Variants in IL6R observed in about 807,000 individuals in gnomAD.
IL6R encodes the protein interleukin-6 receptor subunit alpha.
Under a neutral mutation model 48.3 loss-of-function variants are expected in IL6R, and 38 were observed. The ratio of observed to expected loss-of-function variants is 0.79; its 90% CI spans 0.61 to 1.03. The LOEUF (loss-of-function observed/expected upper bound fraction) is 1.03, where lower values mean the gene tolerates loss of function less well. Among genes scored for constraint, IL6R ranks in the 50% least tolerant of loss-of-function variants. The pLI, the probability that IL6R is intolerant of heterozygous loss-of-function variation, is 0.00. For missense variants in IL6R, 534 were observed against 618.3 expected (o/e 0.86, Z 1.45); for synonymous variants, 264 against 256.2 (o/e 1.03, Z -0.29).
intron 5 of IL6R, 87 bp downstream of exon 5, chr1:154,435,243 C>T (rs992315657): frequency 1.6e-6 from 2 of 1,280,678 alleles, no homozygotes; most frequent in Non-Finnish European, 2.2e-6. Context: ...GGCATGGTGG[C>T]TCACGCCTGT....
At chr1:154,433,552 A>G (rs1372737644) in intron 3 of IL6R, among the ~76,000 whole-genome samples, 1 of 152,130 alleles carries the variant, frequency 6.6e-6, no homozygotes, top group Non-Finnish European at 1.5e-5. Flanking sequence ...TATCCCCTAC[A>G]GTGCCAAGAG....
intron 1 of IL6R, among the ~76,000 whole-genome samples, chr1:154,415,902 T>A (rs917647054): frequency 1.3e-5 from 2 of 151,548 alleles, no homozygotes; most frequent in African/African-American, 2.4e-5. Context: ...GAGGCAGAGG[T>A]TGCAGTGAGC....
intron 1 of IL6R, among the ~76,000 whole-genome samples, chr1:154,427,451 G>A (rs1323499531): frequency 6.6e-6 from 1 of 152,206 alleles, no homozygotes; most frequent in Non-Finnish European, 1.5e-5. Context: ...TGGCTGCACG[G>A]TGACAATTCA....
At chr1:154,436,255 C>T (rs1455208534) in intron 6 of IL6R, 145 bp downstream of exon 6, 3 of 866,006 alleles carry the variant, frequency 3.5e-6, no homozygotes, top group Non-Finnish European at 5.1e-6. Flanking sequence ...CTTTGGGAGG[C>T]TGAGGCGGGT....
intron 1 of IL6R, among the ~76,000 whole-genome samples, chr1:154,416,771 G>T (rs1688381929): frequency 6.6e-6 from 1 of 152,150 alleles, no homozygotes; most frequent in Non-Finnish European, 1.5e-5. Flanking sequence ...ATGAAAAAGT[G>T]TTATGGCAGA....
chr1:154,416,976 C>T (rs568606323), intron 1 of IL6R, among the ~76,000 whole-genome samples: 118 of 152,286 alleles, frequency 7.7e-4, no homozygotes, highest in African/African-American at 2.6e-3. Context: ...CACACCTCCA[C>T]GTGACTTCTT....
At position 154,405,562 on chromosome 1, in the gene IL6R, C is replaced by T. The variant is rs1687654048; in HGVS notation, c.-68C>T. On this transcript the variant is annotated 5_prime_UTR_variant, in exon 1 of 10. Coordinates refer to ENST00000368485, the MANE Select transcript of IL6R (RefSeq NM_000565.4). The surrounding 1 kb of genome is among the most constrained non-coding windows in gnomAD (Gnocchi z 5.2). Reference sequence around the variant, plus strand: ...ACCGCCCCGCCCCGCCCCTGCCACCCCTGCCGCCCGGTTCCCATTAGCCTG... The same window carrying T: ...ACCGCCCCGCCCCGCCCCTGCCACCTCTGCCGCCCGGTTCCCATTAGCCTG... The T allele has an allele frequency of 6.1e-6, 7 of 1,140,760 alleles. No homozygotes were observed. The Admixed American group carries it at 1.0e-4, about 17-fold the overall frequency. The allele number at this position is 1,140,760 out of a possible 1,614,324, so 70.7% of individuals were successfully genotyped here.
Position 154,428,871 on chromosome 1 carries a change from G to A in IL6R, c.86-325G>A, listed in dbSNP as rs191414106. Among the ~76,000 whole-genome samples the A allele has an allele frequency of 2.4e-3, 365 of 152,266 alleles. 1 individual carries two copies. Among genetic ancestry groups the A allele is most frequent in the African/African-American group, 8.6e-3 (356 of 41,564 alleles). ...CCTTCTAAGGAGTGGGGAGAGATGA[G>A]GCCTCCAAGGACAGAAGGGCCCTGC... On this transcript the variant is annotated intron_variant, in intron 1 of 9. Coordinates refer to ENST00000368485, the MANE Select transcript of IL6R (RefSeq NM_000565.4).
chr1:154,450,104 CTGTGTGTGTGTG>C (rs71586016), intron 8 of IL6R, 124 bp downstream of exon 8: 37 of 480,934 alleles, frequency 7.7e-5, no homozygotes, highest in Admixed American at 5.4e-4. Flanking sequence ...CAGAAATGTT[CTGTGTGTGTGTG>C]TGTGTGTGTG....
In IL6R at chr1:154,465,300, T is replaced by A. The variant is rs1553188422; in HGVS notation, c.1327T>A (p.Ser443Thr). Residue 443 changes from serine (S) to threonine (T), a missense_variant, in exon 10 of 10, where the codon TCG becomes ACG. Ser to Thr is a moderately conservative substitution (Grantham distance 58). Coordinates refer to ENST00000368485, the MANE Select transcript of IL6R (RefSeq NM_000565.4). ...SPSSLGSDNT[S>T]SHNRPDARDP... Reference sequence around the variant, plus strand: ...CAGCAGCCTGGGGTCTGACAATACCTCGAGCCACAACCGACCAGATGCCAG... The same window carrying A: ...CAGCAGCCTGGGGTCTGACAATACCACGAGCCACAACCGACCAGATGCCAG... The A allele has an allele frequency of 1.2e-6, 2 of 1,613,972 alleles. No homozygotes were observed. The highest frequency in any genetic ancestry group is 1.7e-6 in the Non-Finnish European group (2 of 1,179,984).
At position 154,434,984 on chromosome 1, in the gene IL6R, C is replaced by T. The variant is rs1053680449; in HGVS notation, c.641-6C>T. ...TGCAAAGGAGTCATGCTCACTTTTC[C>T]CACAGTGCAGCCTGATCCGCCTGCC... On this transcript the variant is annotated splice_region_variant and splice_polypyrimidine_tract_variant and intron_variant, in intron 4 of 9. Transcript: ENST00000368485. 3 of 1,613,542 alleles carry T rather than the reference C, an allele frequency of 1.9e-6. No individual in the cohort carries two copies. The African/African-American group carries it at 4.0e-5, about 22-fold the overall frequency.
chr1:154,437,430 TGAAGACAGGC>T, intron 6 of IL6R: 2 of 385,874 alleles, frequency 5.2e-6, no homozygotes, highest in Admixed American at 3.0e-5. Context: ...TTTTTTTTTT[TGAAGACAGGC>T]TTTCTCCTCG....
chr1:154,444,073 C>G lies in IL6R; in HGVS notation c.950-4052C>G, dbSNP rs78538855. ...ACTCCACTCTTCGTGCCCCTCTCCA[C>G]GACCCTCCTCCCTCATCCTCGCATT... On this transcript the variant is annotated intron_variant, in intron 6 of 9. Coordinates refer to ENST00000368485, the MANE Select transcript of IL6R (RefSeq NM_000565.4). 2.3e-3 allele frequency among the ~76,000 whole-genome samples: 351 copies of G among 152,284 alleles called. 6 individuals carry two copies. The highest frequency in any genetic ancestry group is 0.015 in the East Asian group (80 of 5,192).
intron 9 of IL6R, among the ~76,000 whole-genome samples, chr1:154,455,577 T>C (rs549495015): frequency 5.7e-4 from 85 of 150,252 alleles, no homozygotes; most frequent in African/African-American, 2.0e-3. Context: ...CTCAGCCTCC[T>C]GAGTAGCTGG....
At chr1:154,462,375 T>TC (rs1420899623) in intron 9 of IL6R, among the ~76,000 whole-genome samples, 8 of 30,432 alleles carry the variant, frequency 2.6e-4, no homozygotes, top group Non-Finnish European at 6.4e-4. Context: ...AATCTCAGAC[T>TC]TTTTTTTTTT....
chr1:154,463,361 A>G (rs1364586595), intron 9 of IL6R, among the ~76,000 whole-genome samples: 1 of 152,190 alleles, frequency 6.6e-6, no homozygotes, highest in Non-Finnish European at 1.5e-5. Flanking sequence ...GTGAAGCCCT[A>G]AATAATATTC....
At chr1:154,440,059 T>A (rs532054780) in intron 6 of IL6R, among the ~76,000 whole-genome samples, 7 of 152,260 alleles carry the variant, frequency 4.6e-5, no homozygotes, top group Admixed American at 2.0e-4. Flanking sequence ...CCTGCCACCA[T>A]GCCTGGCTAA....
At chr1:154,411,692 C>T (rs537097434) in intron 1 of IL6R, among the ~76,000 whole-genome samples, 3 of 152,288 alleles carry the variant, frequency 2.0e-5, no homozygotes, top group East Asian at 1.9e-4. Context: ...CAAGTCACTA[C>T]AAGCTTTAAA....
intron 1 of IL6R, among the ~76,000 whole-genome samples, chr1:154,416,259 A>G (rs1049281254): frequency 6.6e-6 from 1 of 151,984 alleles, no homozygotes; most frequent in Admixed American, 6.6e-5. Context: ...CTTTCTGAGT[A>G]GCCAGGACCA....
Sources: allele counts gnomAD v4.1 joint callset (sites outside exome capture counted in the v4.1 genomes callset), GRCh38; gene constraint gnomAD v4.1.1; non-coding constraint Gnocchi (gnomAD v3.1); transcripts MANE v1.5; gene names NCBI Gene and HGNC (gene_info 2026-07-23, HGNC 2026-07-21).